LAPTM4A: variants seen among roughly 807,000 people sequenced by gnomAD.
LAPTM4A encodes lysosomal-associated transmembrane protein 4A.
A neutral mutation model predicts 29.9 loss-of-function variants in LAPTM4A; 19 were observed. That is an observed-to-expected ratio of 0.64 (90% CI 0.44 to 0.93). The LOEUF is 0.93. Among genes scored for constraint, LAPTM4A ranks in the 40% least tolerant of loss-of-function variants. The probability of loss-of-function intolerance (pLI) is 0.00; values close to 1 mark genes in which losing one functional copy is unlikely to be tolerated. For synonymous variants in LAPTM4A, 105 were observed against 102.1 expected, an observed-to-expected ratio of 1.03 and a Z score of -0.17; for missense variants, 293 against 288.5, an observed-to-expected ratio of 1.02 and a Z score of -0.11.
At chr2:20,042,933 T>C (rs533819268) in intron 1 of LAPTM4A, among the ~76,000 whole-genome samples, 1 of 152,318 alleles carries the variant, frequency 6.6e-6, no homozygotes, top group African/African-American at 2.4e-5. Context: ...TTCCTATCAG[T>C]AGTATTTTAA....
chr2:20,040,403 A>T (rs1168502779), intron 2 of LAPTM4A, among the ~76,000 whole-genome samples: 2 of 152,240 alleles, frequency 1.3e-5, no homozygotes, highest in Non-Finnish European at 2.9e-5. Flanking sequence ...AGAATGACTT[A>T]AATATAATTT....
At chr2:20,040,677 C>G (rs1046769276) in intron 2 of LAPTM4A, among the ~76,000 whole-genome samples, 6 of 152,164 alleles carry the variant, frequency 3.9e-5, no homozygotes, top group Non-Finnish European at 7.4e-5. Flanking sequence ...GTACAGTAAC[C>G]TGCTGTACAG....
chr2:20,038,276 A>G lies in LAPTM4A; in HGVS notation c.233-662T>C, dbSNP rs1190531078. Among the ~76,000 whole-genome samples the G allele has an allele frequency of 2.6e-5, 4 of 151,906 alleles. No individual in the cohort carries two copies. In the South Asian group the frequency reaches 8.4e-4, roughly 32 times the overall value. The stretch of plus-strand genomic sequence containing the variant: ...ACACTACTTTCTTCTTCGTTTCTCA[A>G]CTCTTCCTCAGGTTGTTCCAACTCT... On this transcript the variant is annotated intron_variant, in intron 2 of 6. Transcript: ENST00000175091.
In LAPTM4A at chr2:20,051,477, T is replaced by C. The variant is rs376915040; in HGVS notation, c.44A>G (p.Tyr15Cys). 3 of 1,613,092 alleles carry C rather than the reference T, an allele frequency of 1.9e-6. No homozygotes were observed. Among genetic ancestry groups the C allele is most frequent in the East Asian group, 2.2e-5 (1 of 44,856 alleles). Reference protein sequence around the residue: ...SFKRNRSDRFYSTRCCGCCHV... With the variant: ...SFKRNRSDRFCSTRCCGCCHV... ...GCAACAGCCGCAGCACCGGGTGCTG[T>C]AGAACCGGTCACTGCGGTTCCGCTT... The change falls in exon 1 of 7, where the codon TAC (tyrosine) becomes TGC (cysteine). Residue 15 changes from tyrosine (Y) to cysteine (C), a missense_variant. Physicochemically the swap from Tyr to Cys is radical, Grantham distance 194. Transcript: ENST00000175091.
chr2:20,043,926 A>G (rs1290698462), intron 1 of LAPTM4A, among the ~76,000 whole-genome samples: 2 of 152,250 alleles, frequency 1.3e-5, no homozygotes, highest in African/African-American at 4.8e-5. Context: ...CCTTCTCAGC[A>G]CTACGTGATT....
intron 2 of LAPTM4A, among the ~76,000 whole-genome samples, chr2:20,038,486 C>T (rs139706675): frequency 3.7e-4 from 56 of 152,230 alleles, no homozygotes; most frequent in African/African-American, 1.3e-3. Flanking sequence ...AGTGCAGTGG[C>T]GCGATCTCGG....
At chr2:20,048,357 CTGTTACTT>C (rs1031421553) in intron 1 of LAPTM4A, among the ~76,000 whole-genome samples, 3 of 152,182 alleles carry the variant, frequency 2.0e-5, no homozygotes, top group African/African-American at 7.2e-5. Context: ...CTGAAATTTC[CTGTTACTT>C]AACCAGGTAT....
chr2:20,042,501 A>C (rs1200766987), intron 1 of LAPTM4A, among the ~76,000 whole-genome samples: 1 of 152,370 alleles, frequency 6.6e-6, no homozygotes, highest in East Asian at 1.9e-4. Context: ...TCCTGAATTT[A>C]GGATCAGCAT....
At chr2:20,043,381 A>G (rs1390556027) in intron 1 of LAPTM4A, among the ~76,000 whole-genome samples, 1 of 151,896 alleles carries the variant, frequency 6.6e-6, no homozygotes, top group Non-Finnish European at 1.5e-5. Flanking sequence ...AAGCCTGGCT[A>G]ATTTTTGTAT....
chr2:20,038,288 G>T (rs1241516661), intron 2 of LAPTM4A, among the ~76,000 whole-genome samples: 1 of 152,030 alleles, frequency 6.6e-6, no homozygotes, highest in Non-Finnish European at 1.5e-5. Flanking sequence ...TCTTCCTCAG[G>T]TTGTTCCAAC....
intron 1 of LAPTM4A, among the ~76,000 whole-genome samples, chr2:20,044,798 G>C (rs959726706): frequency 2.0e-5 from 3 of 152,220 alleles, no homozygotes; most frequent in African/African-American, 4.8e-5. Context: ...TTCATTAAAA[G>C]CTTTTTCCAA....
At chr2:20,049,697 G>C (rs1674010053) in intron 1 of LAPTM4A, among the ~76,000 whole-genome samples, 1 of 152,190 alleles carries the variant, frequency 6.6e-6, no homozygotes, top group East Asian at 1.9e-4. Flanking sequence ...TGAGGAGTTA[G>C]GAATCCTTTG....
At chr2:20,048,244 A>G (rs1445855954) in intron 1 of LAPTM4A, among the ~76,000 whole-genome samples, 2 of 152,260 alleles carry the variant, frequency 1.3e-5, no homozygotes, top group Non-Finnish European at 2.9e-5. Flanking sequence ...ATTTGAGTTT[A>G]TACCTCATAA....
At chr2:20,036,134 G>T (rs981227738) in intron 4 of LAPTM4A, among the ~76,000 whole-genome samples, 2 of 152,172 alleles carry the variant, frequency 1.3e-5, no homozygotes, top group Non-Finnish European at 2.9e-5. Context: ...TTCTCCCCCG[G>T]AGATGACATG....
chr2:20,051,401 C>G lies in LAPTM4A; in HGVS notation c.111+9G>C, dbSNP rs1466858377. The G allele has an allele frequency of 1.3e-6, 2 of 1,595,416 alleles. No homozygotes were observed. The highest frequency in any genetic ancestry group is 8.6e-7 in the Non-Finnish European group (1 of 1,164,190). On this transcript the variant is annotated intron_variant, in intron 1 of 6. Transcript: ENST00000175091. Reference sequence around the variant, plus strand: ...CCCCGGACATACGCGCCACGCCTGCCCGCCTTACCATGTACCAGGTCCCCA... The same window carrying G: ...CCCCGGACATACGCGCCACGCCTGCGCGCCTTACCATGTACCAGGTCCCCA...
At chr2:20,033,328 C>T (rs760033952) in intron 6 of LAPTM4A, 49 bp from the exon 7 acceptor site, 3 of 1,412,596 alleles carry the variant, frequency 2.1e-6, no homozygotes, top group Admixed American at 3.4e-5. Flanking sequence ...CTTTAAAATC[C>T]TTTGTGAGAT....
chr2:20,034,207 A>C, intron 6 of LAPTM4A, 110 bp downstream of exon 6: 1 of 792,344 alleles, frequency 1.3e-6, no homozygotes, highest in East Asian at 2.4e-5. Context: ...CCCAGGGTTC[A>C]TGCCCAAACC....
At position 20,051,571 on chromosome 2, in the gene LAPTM4A, C is replaced by G; in HGVS notation, c.-51G>C. ...CCGGGCCCCTGACAAACGTTCTCCA[C>G]CCGCAGCCAAACTCAAACGGCTGTT... On this transcript the variant is annotated 5_prime_UTR_variant, in exon 1 of 7. Coordinates refer to ENST00000175091, the MANE Select transcript of LAPTM4A (RefSeq NM_014713.5). 8.2e-7 allele frequency: 1 copy of G among 1,214,644 alleles called. No homozygotes were observed. Among genetic ancestry groups the G allele is most frequent in the Middle Eastern group, 1.9e-4 (1 of 5,280 alleles). 75.2% of individuals were successfully genotyped at this position (1,214,644 alleles called of 1,614,324 possible). A position where few individuals can be genotyped will look rare whatever the true frequency, so the allele number is the denominator to read the frequency against.
At chr2:20,047,696 C>CAAAAAAAAAAAAAA (rs61601787) in intron 1 of LAPTM4A, among the ~76,000 whole-genome samples, 1 of 76,720 alleles carries the variant, frequency 1.3e-5, no homozygotes, top group African/African-American at 5.0e-5. Context: ...GACTCCGTCT[C>CAAAAAAAAAAAAAA]AAAAAAAAAA....
Sources: gnomAD v4.1 joint callset for allele counts (sites outside exome capture counted in the v4.1 genomes callset) on GRCh38, gnomAD v4.1.1 for gene constraint, MANE v1.5 for transcripts, NCBI Gene and HGNC (gene_info 2026-07-23, HGNC 2026-07-21) for gene names.